CDC42BPB: variants seen among roughly 807,000 people sequenced by gnomAD.
CDC42BPB encodes serine/threonine-protein kinase MRCK beta.
A neutral mutation model predicts 214.9 loss-of-function variants in CDC42BPB; 37 were observed. The ratio of observed to expected loss-of-function variants is 0.17; its 90% confidence interval spans 0.13 to 0.23. CDC42BPB has a LOEUF of 0.23. Ranked by LOEUF, CDC42BPB falls within the 10% of genes least tolerant of loss-of-function variation. CDC42BPB has a pLI of 1.00. For missense variants in CDC42BPB, 1,694 were observed against 2,227.0 expected, an observed-to-expected ratio of 0.76 and a Z score of 4.82; for synonymous variants, 931 against 884.0, an observed-to-expected ratio of 1.05 and a Z score of -0.94.
chr14:102,941,138 G>A (rs1215134324), intron 30 of CDC42BPB: 16 of 985,332 alleles, frequency 1.6e-5, no homozygotes, highest in Non-Finnish European at 1.9e-5. Context: ...CTCTGTGTGG[G>A]TGGCACGCTC....
At chr14:102,950,427 C>G (rs1269125096) in intron 25 of CDC42BPB, 39 bp downstream of exon 25, 10 of 1,609,032 alleles carry the variant, frequency 6.2e-6, no homozygotes, top group Non-Finnish European at 8.5e-6. Flanking sequence ...CTGCACCTCA[C>G]AGGCACCGAG....
In CDC42BPB at chr14:103,001,082, C is replaced by T. The variant is rs533814093; in HGVS notation, c.448-1369G>A. 5.3e-5 allele frequency among the ~76,000 whole-genome samples: 8 copies of T among 152,294 alleles called. No homozygotes were observed. The highest frequency in any genetic ancestry group is 1.9e-4 in the African/African-American group (8 of 41,568). ...TCCCTGCTCTCAACAGAATCTTTAC[C>T]AGCAAACTCTCATCCCTTCCAAGCC... On this transcript the variant is annotated intron_variant, in intron 4 of 36. Coordinates refer to ENST00000361246, the MANE Select transcript of CDC42BPB (RefSeq NM_006035.4). This position sits in a 1 kb window ranked among gnomAD's most constrained non-coding sequence, Gnocchi z 5.8.
In CDC42BPB at chr14:102,950,998, A is replaced by G. The variant is rs34360633; in HGVS notation, c.3173-396T>C. Among the ~76,000 whole-genome samples the G allele has an allele frequency of 6.0e-3, 912 of 152,280 alleles. 8 individuals carry two copies. Among genetic ancestry groups the G allele is most frequent in the Non-Finnish European group, 9.7e-3 (661 of 68,016 alleles). ...CAAAATAAAACAAAACAAACAAAAA[A>G]TAATGATCAAGTCTCACATCAAGTC... On this transcript the variant is annotated intron_variant, in intron 24 of 36. Coordinates refer to ENST00000361246, the MANE Select transcript of CDC42BPB (RefSeq NM_006035.4).
rs112725131 is a variant in CDC42BPB at position 103,057,184 on chromosome 14, G to C, written c.-11C>G. 6 of 1,393,158 alleles carry C rather than the reference G, an allele frequency of 4.3e-6. No homozygotes were observed. In the South Asian group the frequency reaches 5.9e-5, roughly 14 times the overall value. The allele number at this position is 1,393,158 out of a possible 1,614,324, so 86.3% of individuals were successfully genotyped here. A position where few individuals can be genotyped will look rare whatever the true frequency, so the allele number is the denominator to read the frequency against. ...CACCTTGGCCGACATGGTGCCGCGC[G>C]GCCCGCTCCCGACGCGCCGGCCTCT... is the stretch of plus-strand genomic sequence containing the variant. On this transcript the variant is annotated 5_prime_UTR_variant, in exon 1 of 37. Coordinates refer to ENST00000361246, the MANE Select transcript of CDC42BPB (RefSeq NM_006035.4).
rs952766828 is a variant in CDC42BPB at position 102,943,436 on chromosome 14, C to T, written c.4408+455G>A. ...CAGCCCCTACCACTTTCAGAAAATA[C>T]TTGTCCTTAGAGGGACTGTAACTTA... On this transcript the variant is annotated intron_variant, in intron 30 of 36. Coordinates refer to ENST00000361246, the MANE Select transcript of CDC42BPB (RefSeq NM_006035.4). The surrounding 1 kb of genome is among the most constrained non-coding windows in gnomAD (Gnocchi z 4.6). 3.9e-5 allele frequency among the ~76,000 whole-genome samples: 6 copies of T among 152,236 alleles called. No homozygotes were observed. Among genetic ancestry groups the T allele is most frequent in the African/African-American group, 1.2e-4 (5 of 41,478 alleles).
intron 4 of CDC42BPB, among the ~76,000 whole-genome samples, chr14:103,002,015 C>T (rs1895009867): frequency 6.6e-6 from 1 of 152,170 alleles, no homozygotes; most frequent in African/African-American, 2.4e-5. Context: ...TGAGTTAAGC[C>T]AGTAAGTTTT....
At chr14:102,954,472 G>A (rs1338317077) in intron 22 of CDC42BPB, 130 bp downstream of exon 22, 6 of 1,401,864 alleles carry the variant, frequency 4.3e-6, no homozygotes, top group Middle Eastern at 2.5e-4. Context: ...AAAATGAAAG[G>A]TGGGCTTGAG....
intron 1 of CDC42BPB, among the ~76,000 whole-genome samples, chr14:103,023,940 C>A (rs1886910025): frequency 1.3e-5 from 2 of 152,202 alleles, no homozygotes; most frequent in Non-Finnish European, 2.9e-5. Context: ...CTGGGCAGGA[C>A]CCTTCACACC....
chr14:103,052,555 G>A (rs1888666586), intron 1 of CDC42BPB, among the ~76,000 whole-genome samples: 1 of 152,138 alleles, frequency 6.6e-6, no homozygotes, highest in Non-Finnish European at 1.5e-5. Flanking sequence ...ACAGCTATGG[G>A]CATTCACATC....
chr14:103,009,206 G>A (rs1886013139), intron 2 of CDC42BPB, among the ~76,000 whole-genome samples: 1 of 152,184 alleles, frequency 6.6e-6, no homozygotes, highest in South Asian at 2.1e-4. Context: ...CGTGCCTGCA[G>A]CAGCCATGGC....
chr14:103,035,433 A>G (rs1265464225), intron 1 of CDC42BPB, among the ~76,000 whole-genome samples: 1 of 152,108 alleles, frequency 6.6e-6, no homozygotes, highest in East Asian at 1.9e-4. Flanking sequence ...GGTGGTTTAC[A>G]CCTATAATTC....
chr14:102,997,614 T>A (rs1894800651), intron 5 of CDC42BPB, among the ~76,000 whole-genome samples: 1 of 152,186 alleles, frequency 6.6e-6, no homozygotes, highest in South Asian at 2.1e-4. Flanking sequence ...GACTACCCGA[T>A]GCATGTCCGG....
Position 102,978,133 on chromosome 14 carries a change from T to G in CDC42BPB, c.1213A>C (p.Thr405Pro). The G allele has an allele frequency of 6.2e-7, 1 of 1,611,268 alleles. No individual in the cohort carries two copies. Among genetic ancestry groups the G allele is most frequent in the South Asian group, 1.1e-5 (1 of 91,022 alleles). ...TGATAAATCCAGACATACCTTTCCG[T>G]TGTGAATGTAAAACCAATGAATGGC... ...HLPFIGFTFT[T>P]ESCFSDRGSL... Residue 405 changes from threonine (T) to proline (P), a missense_variant, in exon 9 of 37, where the codon ACG (threonine) becomes CCG (proline). Transcript: ENST00000361246.
chr14:103,053,114 C>T (rs1888701337), intron 1 of CDC42BPB, among the ~76,000 whole-genome samples: 2 of 152,068 alleles, frequency 1.3e-5, no homozygotes, highest in South Asian at 4.1e-4. Context: ...CTTTGAGAGG[C>T]CGAGGAGGGT....
chr14:102,965,851 G>A (rs955239929), intron 18 of CDC42BPB, among the ~76,000 whole-genome samples: 1 of 152,226 alleles, frequency 6.6e-6, no homozygotes, highest in South Asian at 2.1e-4. Flanking sequence ...AGCTACTCGG[G>A]GGGGCTGAGG....
chr14:102,997,216 C>T lies in CDC42BPB; in HGVS notation c.596+2349G>A, dbSNP rs145072490. ...GAGACCACAATGGCCTCACACCTCTCGAGAGCAGCCTCAAGGTGGAAGACA... is the reference window on the plus strand; with the variant it reads ...GAGACCACAATGGCCTCACACCTCTTGAGAGCAGCCTCAAGGTGGAAGACA... On this transcript the variant is annotated intron_variant, in intron 5 of 36. Coordinates refer to ENST00000361246, the MANE Select transcript of CDC42BPB (RefSeq NM_006035.4). Among the ~76,000 whole-genome samples, 7 of 152,220 alleles carry T rather than the reference C, an allele frequency of 4.6e-5. No homozygotes were observed. The East Asian group carries it at 5.8e-4, about 13-fold the overall frequency.
At chr14:103,026,390 A>AAAAAC (rs913204528) in intron 1 of CDC42BPB, among the ~76,000 whole-genome samples, 45 of 152,174 alleles carry the variant, frequency 3.0e-4, no homozygotes, top group Admixed American at 2.6e-3. Context: ...GTTCCGTCTC[A>AAAAAC]AAAACAAAAC....
chr14:103,038,626 A>T (rs1224693841), intron 1 of CDC42BPB, among the ~76,000 whole-genome samples: 1 of 150,112 alleles, frequency 6.7e-6, no homozygotes, highest in East Asian at 2.0e-4. Flanking sequence ...TCCTGGGTTC[A>T]AGCAATCCTC....
Position 102,946,715 on chromosome 14 carries a change from A to G in CDC42BPB, c.3532-31T>C, listed in dbSNP as rs771013171. 3 of 1,609,532 alleles carry G rather than the reference A, an allele frequency of 1.9e-6. No homozygotes were observed. In the South Asian group the frequency reaches 3.3e-5, roughly 18 times the overall value. ...TGACAGGAAACAGAAGAGAAGAGAG[A>G]AGTCATCAAACGCCAAAGCCGCACG... On this transcript the variant is annotated intron_variant, in intron 27 of 36. Transcript: ENST00000361246.
Sources: allele counts gnomAD v4.1 joint callset (sites outside exome capture counted in the v4.1 genomes callset), GRCh38; gene constraint gnomAD v4.1.1; non-coding constraint Gnocchi (gnomAD v3.1); transcripts MANE v1.5; gene names NCBI Gene and HGNC (gene_info 2026-07-23, HGNC 2026-07-21).